Variants in HDAC4 observed in about 807,000 individuals in gnomAD.
The protein encoded by HDAC4 is histone deacetylase 4.
A neutral mutation model predicts 135.1 loss-of-function variants in HDAC4; 16 were observed. The observed-to-expected ratio is 0.12, with a 90% CI of 0.08 to 0.18. The LOEUF is 0.18. HDAC4 is among the 10% of genes least tolerant of loss of function. The pLI, the probability that HDAC4 is intolerant of heterozygous loss-of-function variation, is 1.00. For synonymous variants in HDAC4, 685 were observed against 653.4 expected (o/e 1.05, Z -0.74); for missense variants, 1,143 against 1,511.8 (o/e 0.76, Z 4.05).
At chr2:239,153,670 A>G (rs900560575) in intron 7 of HDAC4, among the ~76,000 whole-genome samples, 7 of 152,230 alleles carry the variant, frequency 4.6e-5, no homozygotes, top group African/African-American at 1.7e-4. Context: ...CTGGAGCACT[A>G]TGTATTCTAA....
chr2:239,319,689 T>G (rs2053242279), intron 2 of HDAC4, among the ~76,000 whole-genome samples: 2 of 152,158 alleles, frequency 1.3e-5, no homozygotes, highest in Non-Finnish European at 2.9e-5. Flanking sequence ...TGAATCAAAG[T>G]TGTGAAAATT....
chr2:239,293,642 C>T (rs2051670505), intron 2 of HDAC4, among the ~76,000 whole-genome samples: 1 of 152,180 alleles, frequency 6.6e-6, no homozygotes, highest in African/African-American at 2.4e-5. Flanking sequence ...CAGGGCACCT[C>T]CAGGCTTCCT....
At chr2:239,291,903 T>C (rs1373839221) in intron 2 of HDAC4, among the ~76,000 whole-genome samples, 2 of 152,214 alleles carry the variant, frequency 1.3e-5, no homozygotes, top group African/African-American at 4.8e-5. Context: ...AACCTTTGTT[T>C]GCAAGAGTTC....
chr2:239,384,574 C>G (rs548041051), intron 1 of HDAC4, among the ~76,000 whole-genome samples: 4 of 152,136 alleles, frequency 2.6e-5, no homozygotes, highest in African/African-American at 9.6e-5. Flanking sequence ...CCATGATTGT[C>G]CCACTGCACT....
Position 239,196,094 on chromosome 2 carries a change from G to C in HDAC4, c.95-6017C>G, listed in dbSNP as rs932609227. Among the ~76,000 whole-genome samples the C allele has an allele frequency of 4.6e-5, 7 of 151,832 alleles. No individual in the cohort carries two copies. The South Asian group carries it at 1.3e-3, about 27-fold the overall frequency. On this transcript the variant is annotated intron_variant, in intron 3 of 26. Coordinates refer to ENST00000543185, the MANE Select transcript of HDAC4 (RefSeq NM_001378414.1). Reference sequence around the variant, plus strand: ...CATTCAAATCAAGGGAAAAATAATAGATATTTCAACTATGTAACCATGATT... The same window carrying C: ...CATTCAAATCAAGGGAAAAATAATACATATTTCAACTATGTAACCATGATT...
intron 7 of HDAC4, chr2:239,154,780 G>A (rs1027284103): frequency 6.6e-6 from 1 of 152,224 alleles, no homozygotes; most frequent in African/African-American, 2.4e-5. Context: ...CGTTCTTTCT[G>A]TCAAGCTTTA....
In HDAC4 at chr2:239,332,572, C is replaced by T. The variant is rs145373993; in HGVS notation, c.22+20106G>A. Among the ~76,000 whole-genome samples, 1,024 of 151,214 alleles carry T rather than the reference C, an allele frequency of 6.8e-3. 12 individuals carry two copies. Among genetic ancestry groups the T allele is most frequent in the African/African-American group, 0.023 (939 of 41,174 alleles). On this transcript the variant is annotated intron_variant, in intron 2 of 26. Transcript: ENST00000543185. ...ACATTAAAAAGCTCACATAATCTAG[C>T]GAAAGCCATACATAGGTGGAAATTT...
chr2:239,157,477 G>A lies in HDAC4; in HGVS notation c.612-704C>T, dbSNP rs181474258. ...CCCTCCAGGCAGCAAGACAGGAATC[G>A]TCTGCCAGGAGAATGGCCGGAGGAC... On this transcript the variant is annotated intron_variant, in intron 6 of 26. Coordinates refer to ENST00000543185, the MANE Select transcript of HDAC4 (RefSeq NM_001378414.1). 4.2e-3 allele frequency among the ~76,000 whole-genome samples: 636 copies of A among 152,346 alleles called. 2 individuals are homozygous for A. Among genetic ancestry groups the A allele is most frequent in the Non-Finnish European group, 6.1e-3 (417 of 68,044 alleles).
At chr2:239,067,001 G>A (rs913337853) in intron 23 of HDAC4, 146 bp from the exon 24 acceptor site, 18 of 940,960 alleles carry the variant, frequency 1.9e-5, no homozygotes, top group Non-Finnish European at 2.6e-5. Flanking sequence ...TAATAAATTC[G>A]CTGAAGAGTT....
rs200087060 is a variant in HDAC4, at chr2:239,124,980, T to C, written c.1533+1476A>G. 4.2e-3 allele frequency among the ~76,000 whole-genome samples: 457 copies of C among 109,374 alleles called. 1 individual carries two copies. The highest frequency in any genetic ancestry group is 0.012 in the African/African-American group (414 of 34,864). 71.8% of individuals were successfully genotyped at this position (109,374 alleles called of 152,430 possible). On this transcript the variant is annotated intron_variant, in intron 12 of 26. Transcript: ENST00000543185. ...TGTGACATTCTGGTGTGCTGGCGTG[T>C]GGCCGCGTTATATGACATTCCATGT...
chr2:239,290,465 G>A (rs62182101), intron 2 of HDAC4, among the ~76,000 whole-genome samples: 8,859 of 152,218 alleles, frequency 0.058, 372 homozygotes, highest in Non-Finnish European at 0.083. Flanking sequence ...TGGTAAAACT[G>A]GAGACCCTAG....
intron 17 of HDAC4, among the ~76,000 whole-genome samples, chr2:239,090,796 A>G (rs567943376): frequency 1.3e-5 from 2 of 152,254 alleles, no homozygotes; most frequent in Non-Finnish European, 2.9e-5. Context: ...AAAAACACCA[A>G]ACTCTGAAAT....
At chr2:239,252,056 C>T (rs1382933208) in intron 2 of HDAC4, among the ~76,000 whole-genome samples, 2 of 152,220 alleles carry the variant, frequency 1.3e-5, no homozygotes, top group Non-Finnish European at 2.9e-5. Context: ...GGAGAAGCGA[C>T]TTGCTGTTGG....
At chr2:239,318,536 C>T (rs1403298325) in intron 2 of HDAC4, among the ~76,000 whole-genome samples, 4 of 152,110 alleles carry the variant, frequency 2.6e-5, no homozygotes, top group African/African-American at 9.7e-5. Context: ...ACAAGGCCTA[C>T]AGATGAGAGA....
At chr2:239,388,086 C>G (rs768386042) in intron 1 of HDAC4, among the ~76,000 whole-genome samples, 1 of 152,212 alleles carries the variant, frequency 6.6e-6, no homozygotes, top group Non-Finnish European at 1.5e-5. Flanking sequence ...TGGCAGGACG[C>G]GGCTGGGCAG....
intron 3 of HDAC4, among the ~76,000 whole-genome samples, chr2:239,195,836 G>A (rs572909748): frequency 2.6e-5 from 4 of 152,276 alleles, no homozygotes; most frequent in South Asian, 4.1e-4. Flanking sequence ...AATGGGAGAC[G>A]GTCAGTGTGC....
chr2:239,227,941 T>C (rs117166879), intron 3 of HDAC4, among the ~76,000 whole-genome samples: 1 of 152,290 alleles, frequency 6.6e-6, no homozygotes, highest in South Asian at 2.1e-4. Context: ...AGACACATTT[T>C]CAACGCAATT....
intron 1 of HDAC4, among the ~76,000 whole-genome samples, chr2:239,392,874 G>GCTCAGC (rs1320539549): frequency 2.0e-5 from 3 of 152,206 alleles, no homozygotes; most frequent in African/African-American, 7.2e-5. Context: ...GCCAGGCTGG[G>GCTCAGC]CTCAGCCTCA....
chr2:239,053,401 G>A (rs2031201148), intron 26 of HDAC4, 59 bp downstream of exon 26: 1 of 1,590,822 alleles, frequency 6.3e-7, no homozygotes, highest in South Asian at 1.1e-5. Flanking sequence ...TGAATAGTGT[G>A]TCAGTGGGCA....
Sources: gnomAD v4.1 joint callset for allele counts (sites outside exome capture counted in the v4.1 genomes callset) on GRCh38, gnomAD v4.1.1 for gene constraint, MANE v1.5 for transcripts, NCBI Gene and HGNC (gene_info 2026-07-23, HGNC 2026-07-21) for gene names.